WNT10B: variants seen among roughly 807,000 people sequenced by gnomAD.
WNT10B encodes Wnt family member 10B.
A neutral mutation model predicts 32.7 loss-of-function variants in WNT10B; 26 were observed. The ratio of observed to expected loss-of-function variants is 0.79; its 90% CI spans 0.58 to 1.10. The LOEUF (loss-of-function observed/expected upper bound fraction) is 1.10. Ranked by LOEUF, WNT10B falls within the 50% of genes least tolerant of loss-of-function variation. The pLI is 0.00. For missense variants in WNT10B, 474 were observed against 532.5 expected, an observed-to-expected ratio of 0.89 and a Z score of 1.08; for synonymous variants, 204 against 220.4, an observed-to-expected ratio of 0.93 and a Z score of 0.66.
In WNT10B at chr12:48,966,295, T is replaced by C; in HGVS notation, c.970A>G (p.Met324Val). ...SPDFCERDPT[M>V]GSPGTRGRAC... is the part of the protein sequence containing the mutation. ...CGGCCCCTTGTCCCTGGGGAGCCCA[T>C]AGTGGGGTCTCGCTCACAGAAGTCA... The change falls in exon 5 of 5, where the codon ATG becomes GTG. Residue 324 changes from methionine (M) to valine (V), a missense_variant. Met to Val is a conservative substitution (Grantham distance 21, BLOSUM62 1). Coordinates refer to ENST00000301061, the MANE Select transcript of WNT10B (RefSeq NM_003394.4). 4 of 1,614,084 alleles carry C rather than the reference T, an allele frequency of 2.5e-6. No homozygotes were observed. The highest frequency in any genetic ancestry group is 2.2e-5 in the South Asian group (2 of 91,082).
At position 48,970,679 on chromosome 12, in the gene WNT10B, T is replaced by G. The variant is rs562513959; in HGVS notation, c.-40-110A>C. ...CCCACCGGTGCCACCCTACTGACCC[T>G]TCTCATTCCTCCTCAAACAAAACAA... On this transcript the variant is annotated intron_variant, in intron 1 of 4. Coordinates refer to ENST00000301061, the MANE Select transcript of WNT10B (RefSeq NM_003394.4). The surrounding 1 kb of genome is among the most constrained non-coding windows in gnomAD (Gnocchi z 5.0). The G allele has an allele frequency of 2.7e-6, 2 of 744,364 alleles. No homozygotes were observed. The highest frequency in any genetic ancestry group is 3.5e-5 in the South Asian group (2 of 56,452). The allele number at this position is 744,364 out of a possible 1,614,324, so 46.1% of individuals were successfully genotyped here. A position where few individuals can be genotyped will look rare whatever the true frequency, so the allele number is the denominator to read the frequency against.
rs752916355 is a variant in WNT10B at position 48,968,144 on chromosome 12, C to G, written c.513G>C (p.Lys171Asn). The change falls in exon 4 of 5, where the codon AAG (lysine) becomes AAC (asparagine). Residue 171 changes from lysine to asparagine, a missense_variant. Lys to Asn is a moderately conservative substitution (Grantham distance 94). Coordinates refer to ENST00000301061, the MANE Select transcript of WNT10B (RefSeq NM_003394.4). ...GGCTGGGCAGAGAGTGGGGGAAACT[C>G]TTGCCTCGGGACAGTGCCTGCAGCT... ...LLQLQALSRG[K>N]SFPHSLPSPG... 2 of 1,614,122 alleles carry G rather than the reference C, an allele frequency of 1.2e-6. No homozygotes were observed. The highest frequency in any genetic ancestry group is 2.7e-5 in the African/African-American group (2 of 74,946).
Position 48,970,048 on chromosome 12 carries a change from C to T in WNT10B, c.337+41G>A. The T allele has an allele frequency of 6.9e-7, 1 of 1,459,508 alleles. No homozygotes were observed. The highest frequency in any genetic ancestry group is 9.0e-7 in the Non-Finnish European group (1 of 1,109,432). The allele number at this position is 1,459,508 out of a possible 1,614,324, so 90.4% of individuals were successfully genotyped here. On this transcript the variant is annotated intron_variant, in intron 3 of 4. Coordinates refer to ENST00000301061, the MANE Select transcript of WNT10B (RefSeq NM_003394.4). This position sits in a 1 kb window ranked among gnomAD's most constrained non-coding sequence, Gnocchi z 5.0. ...CGCGCCTCGCCCTGCCGCCCACCCCCTAGCCTCCGCGGCAGCGCCGACCCG... is the reference window on the plus strand; with the variant it reads ...CGCGCCTCGCCCTGCCGCCCACCCCTTAGCCTCCGCGGCAGCGCCGACCCG...
intron 3 of WNT10B, among the ~76,000 whole-genome samples, chr12:48,968,931 C>G (rs1940794844): frequency 6.6e-6 from 1 of 152,168 alleles, no homozygotes; most frequent in African/African-American, 2.4e-5. Context: ...CCCTTCAAGA[C>G]TGCCCTTTTT....
intron 4 of WNT10B, among the ~76,000 whole-genome samples, chr12:48,967,026 T>C (rs2137611668): frequency 6.6e-6 from 1 of 152,204 alleles, no homozygotes; most frequent in South Asian, 2.1e-4. Flanking sequence ...GCCTTGCTCT[T>C]GTCGCCCAGG....
At position 48,966,055 on chromosome 12, in the gene WNT10B, C is replaced by G; in HGVS notation, c.*40G>C. 1 of 1,610,962 alleles carries G rather than the reference C, an allele frequency of 6.2e-7. No homozygotes were observed. The highest frequency in any genetic ancestry group is 8.5e-7 in the Non-Finnish European group (1 of 1,178,778). ...CAAAGGGCTGAAAAGGCGCCCCTCT[C>G]ACACAGTCCTCTTCCCCAGCCCCAA... On this transcript the variant is annotated 3_prime_UTR_variant, in exon 5 of 5. Transcript: ENST00000301061.
At position 48,967,947 on chromosome 12, in the gene WNT10B, T is replaced by C. The variant is rs1042296053; in HGVS notation, c.710A>G (p.Gln237Arg). 1.2e-6 allele frequency: 2 copies of C among 1,614,234 alleles called. No individual in the cohort carries two copies. The highest frequency in any genetic ancestry group is 4.5e-5 in the East Asian group (2 of 44,894). Residue 237 changes from glutamine to arginine, a missense_variant and splice_region_variant, in exon 4 of 5, where the codon CAG (glutamine) becomes CGG (arginine). Coordinates refer to ENST00000301061, the MANE Select transcript of WNT10B (RefSeq NM_003394.4). ...CCAGGACAAGATGTACACACATACC[T>C]GGCGCCCCACCCTGTTGTTGTGGAT... ...MRIHNNRVGR[Q>R]VVTENLKRKC...
In WNT10B at chr12:48,970,076, C is replaced by T; in HGVS notation, c.337+13G>A. The T allele has an allele frequency of 6.6e-7, 1 of 1,508,280 alleles. No homozygotes were observed. Among genetic ancestry groups the T allele is most frequent in the Non-Finnish European group, 8.9e-7 (1 of 1,129,644 alleles). 93.4% of individuals were successfully genotyped at this position (1,508,280 alleles called of 1,614,324 possible). A position where few individuals can be genotyped will look rare whatever the true frequency, so the allele number is the denominator to read the frequency against. ...GCCTCCGCGGCAGCGCCGACCCGCC[C>T]AGCCAGGCTCACCGCGCTTGAGGAT... On this transcript the variant is annotated intron_variant, in intron 3 of 4. Transcript: ENST00000301061. The surrounding 1 kb of genome is among the most constrained non-coding windows in gnomAD (Gnocchi z 5.0).
Position 48,966,203 on chromosome 12 carries a change from G to A in WNT10B, c.1062C>T (p.Asn354=), listed in dbSNP as rs371529569. 7.5e-5 allele frequency: 121 copies of A among 1,613,840 alleles called. No homozygotes were observed. The highest frequency in any genetic ancestry group is 4.2e-4 in the South Asian group (38 of 91,084). Reference sequence around the variant, plus strand: ...GCTCAACTCGTGTCTGCCGGAGCACGTTGTGCCCACGGCCACAGCACAGGC... The same window carrying A: ...GCTCAACTCGTGTCTGCCGGAGCACATTGTGCCCACGGCCACAGCACAGGC... The part of the protein sequence containing the change: ...CGSLCCGRGH[N]VLRQTRVERC... The change falls in exon 5 of 5, where the codon AAC becomes AAT. Residue 354 remains asparagine, a synonymous_variant. Coordinates refer to ENST00000301061, the MANE Select transcript of WNT10B (RefSeq NM_003394.4).
At chr12:48,966,955 C>G (rs749432679) in intron 4 of WNT10B, among the ~76,000 whole-genome samples, 1 of 152,178 alleles carries the variant, frequency 6.6e-6, no homozygotes, top group African/African-American at 2.4e-5. Flanking sequence ...AGGCACTATG[C>G]TGGGTATACT....
At chr12:48,969,945 C>G in intron 3 of WNT10B, 144 bp downstream of exon 3, 1 of 1,082,904 alleles carries the variant, frequency 9.2e-7, no homozygotes. Context: ...AGACCTGGCT[C>G]AGAGCGGCTC....
rs1271903482 is a variant in WNT10B, at chr12:48,970,190, G to A, written c.236C>T (p.Ala79Val). ...CAGCTGGTGCTGACACTCGTGGACC[G>A]CGATGTGCAGACCCTGAAGCGCGGA... ...TASALQGLHIAVHECQHQLRD... is the reference protein window; with the variant it reads ...TASALQGLHIVVHECQHQLRD... Residue 79 changes from alanine (A) to valine (V), a missense_variant, in exon 3 of 5, where the codon GCG becomes GTG. Transcript: ENST00000301061. This position sits in a 1 kb window ranked among gnomAD's most constrained non-coding sequence, Gnocchi z 5.0. 2 of 1,577,164 alleles carry A rather than the reference G, an allele frequency of 1.3e-6. No individual in the cohort carries two copies. Among genetic ancestry groups the A allele is most frequent in the Non-Finnish European group, 1.7e-6 (2 of 1,162,658 alleles).
Position 48,967,960 on chromosome 12 carries a change from T to C in WNT10B, c.697A>G (p.Arg233Gly). 6.2e-7 allele frequency: 1 copy of C among 1,614,198 alleles called. No individual in the cohort carries two copies. Among genetic ancestry groups the C allele is most frequent in the Non-Finnish European group, 8.5e-7 (1 of 1,180,022 alleles). ...IQARMRIHNN[R>G]VGRQVVTENL... ...TACACACATACCTGGCGCCCCACCCTGTTGTTGTGGATTCGCATTCGTGCC... is the reference window on the plus strand; with the variant it reads ...TACACACATACCTGGCGCCCCACCCCGTTGTTGTGGATTCGCATTCGTGCC... The change falls in exon 4 of 5, where the codon AGG becomes GGG. Residue 233 changes from arginine to glycine, a missense_variant. Coordinates refer to ENST00000301061, the MANE Select transcript of WNT10B (RefSeq NM_003394.4).
chr12:48,968,346 G>A, intron 3 of WNT10B, 27 bp from the exon 4 acceptor site: 1 of 1,599,824 alleles, frequency 6.3e-7, no homozygotes. Context: ...TGTGATGGTG[G>A]AGGTAAGGTT....
Position 48,968,028 on chromosome 12 carries a change from G to C in WNT10B, c.629C>G (p.Ser210Cys). ...TTCCCTGGAATCCAAGAAATCCCGA[G>C]AGAACTTCTCTCCAAAGTCCATGTC... ...NHDMDFGEKF[S>C]RDFLDSREAP... Residue 210 changes from serine (S) to cysteine (C), a missense_variant, in exon 4 of 5, where the codon TCT becomes TGT. Coordinates refer to ENST00000301061, the MANE Select transcript of WNT10B (RefSeq NM_003394.4). The C allele has an allele frequency of 1.2e-6, 2 of 1,614,250 alleles. No homozygotes were observed. Among genetic ancestry groups the C allele is most frequent in the Non-Finnish European group, 1.7e-6 (2 of 1,180,040 alleles).
chr12:48,969,998 G>A lies in WNT10B; in HGVS notation c.337+91C>T, dbSNP rs888807918. ...TCCAGGAGAGGCCCCTCCCGGAGCC[G>A]CGAAACCATCCCTTCCCGCCTCCGC... is the stretch of plus-strand genomic sequence containing the variant. On this transcript the variant is annotated intron_variant, in intron 3 of 4. Coordinates refer to ENST00000301061, the MANE Select transcript of WNT10B (RefSeq NM_003394.4). 2.9e-6 allele frequency: 4 copies of A among 1,358,904 alleles called. No individual in the cohort carries two copies. The East Asian group carries it at 8.7e-5, about 30-fold the overall frequency. 84.2% of individuals were successfully genotyped at this position (1,358,904 alleles called of 1,614,324 possible). A position where few individuals can be genotyped will look rare whatever the true frequency, so the allele number is the denominator to read the frequency against.
rs1263066392 is a variant in WNT10B at position 48,965,996 on chromosome 12, A to T, written c.*99T>A. 2.8e-6 allele frequency: 4 copies of T among 1,452,434 alleles called. No homozygotes were observed. Among genetic ancestry groups the T allele is most frequent in the Non-Finnish European group, 3.8e-6 (4 of 1,060,202 alleles). The allele number at this position is 1,452,434 out of a possible 1,614,324, so 90.0% of individuals were successfully genotyped here. On this transcript the variant is annotated 3_prime_UTR_variant, in exon 5 of 5. Coordinates refer to ENST00000301061, the MANE Select transcript of WNT10B (RefSeq NM_003394.4). ...TTCCAGGTAGATACTTTAAGCTTCC[A>T]GGGACCAAGAGTGACCTTGGAAGGA...
chr12:48,966,606 C>G (rs980840247), intron 4 of WNT10B, 53 bp from the exon 5 acceptor site: 19 of 1,591,192 alleles, frequency 1.2e-5, no homozygotes, highest in Non-Finnish European at 1.6e-5. Context: ...ATGGACAGAA[C>G]ACAGAGGCAC....
rs191833243 is a variant in WNT10B, at chr12:48,970,409, C to T, written c.74+47G>A. On this transcript the variant is annotated intron_variant, in intron 2 of 4. Coordinates refer to ENST00000301061, the MANE Select transcript of WNT10B (RefSeq NM_003394.4). This position sits in a 1 kb window ranked among gnomAD's most constrained non-coding sequence, Gnocchi z 5.0. ...TCCAGACCCCTCCAACTCTCCCCAC[C>T]CCGGGTCGGTGTTTCTATGGCCTGG... The T allele has an allele frequency of 6.2e-7, 1 of 1,613,902 alleles. No homozygotes were observed. Among genetic ancestry groups the T allele is most frequent in the Admixed American group, 1.7e-5 (1 of 60,002 alleles).
Sources: gnomAD v4.1 joint callset for allele counts (sites outside exome capture counted in the v4.1 genomes callset) on GRCh38, gnomAD v4.1.1 for gene constraint, Gnocchi (gnomAD v3.1) non-coding constraint, MANE v1.5 for transcripts, NCBI Gene and HGNC (gene_info 2026-07-23, HGNC 2026-07-21) for gene names.